The following SPPL3 variants were observed in gnomAD, a reference collection of about 807,000 sequenced individuals.
The protein encoded by SPPL3 is signal peptide peptidase like 3.
In SPPL3, 5 loss-of-function variants were observed where a neutral mutation model predicts 42.4. That is an observed-to-expected ratio of 0.12 (90% CI 0.06 to 0.25). The LOEUF is 0.25. SPPL3 is among the 10% of genes least tolerant of loss of function. SPPL3 has a pLI of 1.00. For missense variants in SPPL3, 235 were observed against 489.0 expected, an observed-to-expected ratio of 0.48 and a Z score of 4.90; for synonymous variants, 195 against 181.8, an observed-to-expected ratio of 1.07 and a Z score of -0.58.
chr12:120,817,874 C>T (rs964804739), intron 1 of SPPL3, among the ~76,000 whole-genome samples: 3 of 152,100 alleles, frequency 2.0e-5, no homozygotes, highest in Non-Finnish European at 2.9e-5. Context: ...AGAAAGCAAG[C>T]GTTCATCAGC....
chr12:120,840,868 C>T (rs1219958795), intron 1 of SPPL3, among the ~76,000 whole-genome samples: 1 of 151,814 alleles, frequency 6.6e-6, no homozygotes, highest in Non-Finnish European at 1.5e-5. Context: ...ATCGCTTGAA[C>T]CCAGGGGGTT....
chr12:120,849,754 A>C (rs560614134), intron 1 of SPPL3, among the ~76,000 whole-genome samples: 2 of 152,308 alleles, frequency 1.3e-5, no homozygotes, highest in South Asian at 4.1e-4. Flanking sequence ...CGAGACTCCT[A>C]AAAACCACTC....
chr12:120,879,084 G>C (rs1873199683), intron 1 of SPPL3, among the ~76,000 whole-genome samples: 1 of 122,822 alleles, frequency 8.1e-6, no homozygotes, highest in African/African-American at 3.0e-5. Flanking sequence ...TTGCACTCCA[G>C]CCTGGGCAAC....
chr12:120,777,301 T>C (rs1416685681), intron 6 of SPPL3, among the ~76,000 whole-genome samples: 3 of 152,330 alleles, frequency 2.0e-5, no homozygotes, highest in Non-Finnish European at 4.4e-5. Context: ...TGAGATTGAT[T>C]TGGACTAAAA....
At chr12:120,901,155 C>T (rs926802239) in intron 1 of SPPL3, among the ~76,000 whole-genome samples, 1 of 152,076 alleles carries the variant, frequency 6.6e-6, no homozygotes, top group Non-Finnish European at 1.5e-5. Flanking sequence ...ACTTGGCCTC[C>T]CAAGCCTGTT....
chr12:120,822,582 G>C (rs1018012081), intron 1 of SPPL3, among the ~76,000 whole-genome samples: 2 of 152,262 alleles, frequency 1.3e-5, no homozygotes, highest in East Asian at 3.9e-4. Flanking sequence ...AGGAGCCTAA[G>C]AGTTTAAATC....
intron 1 of SPPL3, among the ~76,000 whole-genome samples, chr12:120,857,619 A>G (rs1410052982): frequency 1.3e-5 from 2 of 152,250 alleles, no homozygotes; most frequent in Non-Finnish European, 2.9e-5. Context: ...TGTGGTACAT[A>G]TACACTACTA....
At chr12:120,826,612 G>T (rs11065282) in intron 1 of SPPL3, among the ~76,000 whole-genome samples, 59,967 of 151,966 alleles carry the variant, frequency 0.39, 13,947 homozygotes, top group Middle Eastern at 0.56. Context: ...CTGCAAAATC[G>T]CTCCATAAAG....
intron 1 of SPPL3, among the ~76,000 whole-genome samples, chr12:120,831,254 G>A (rs1413291465): frequency 6.6e-6 from 1 of 152,058 alleles, no homozygotes; most frequent in Non-Finnish European, 1.5e-5. Context: ...CTTGCAGATG[G>A]TGGTGCTTCA....
At chr12:120,798,533 A>C (rs902096571) in intron 2 of SPPL3, among the ~76,000 whole-genome samples, 8 of 152,246 alleles carry the variant, frequency 5.3e-5, no homozygotes, top group Non-Finnish European at 1.2e-4. Context: ...TTCGCACAGC[A>C]GAGCTAACAA....
intron 1 of SPPL3, among the ~76,000 whole-genome samples, chr12:120,818,055 C>T (rs1041990016): frequency 2.6e-5 from 4 of 152,138 alleles, no homozygotes; most frequent in Non-Finnish European, 5.9e-5. Context: ...CACAGTCTCT[C>T]CCTATCCTAC....
chr12:120,834,012 A>C (rs559576519), intron 1 of SPPL3, among the ~76,000 whole-genome samples: 63 of 152,318 alleles, frequency 4.1e-4, no homozygotes, highest in Non-Finnish European at 8.1e-4. Context: ...CATGTGCTCT[A>C]CTTTAATCCT....
At chr12:120,841,932 T>C (rs1265428728) in intron 1 of SPPL3, among the ~76,000 whole-genome samples, 2 of 152,226 alleles carry the variant, frequency 1.3e-5, no homozygotes, top group Non-Finnish European at 2.9e-5. Context: ...ATTATTGGCT[T>C]GTATATTTAA....
In SPPL3 at chr12:120,823,718, A is replaced by G. The variant is rs1871146130; in HGVS notation, c.24-12832T>C. On this transcript the variant is annotated intron_variant, in intron 1 of 10. Coordinates refer to ENST00000353487, the MANE Select transcript of SPPL3 (RefSeq NM_139015.5). ...TTCCCTTTTCCAAGTTGTAACAGCA[A>G]TCTTTTACTGAGTCATGTGCCCAGC... Among the ~76,000 whole-genome samples the G allele has an allele frequency of 2.0e-5, 3 of 152,270 alleles. No individual in the cohort carries two copies. The South Asian group carries it at 6.2e-4, about 32-fold the overall frequency.
At chr12:120,796,300 C>T (rs759921959) in intron 2 of SPPL3, among the ~76,000 whole-genome samples, 3 of 152,084 alleles carry the variant, frequency 2.0e-5, no homozygotes, top group African/African-American at 4.8e-5. Flanking sequence ...TGCTTGAACC[C>T]GGAAGGCAGA....
intron 1 of SPPL3, among the ~76,000 whole-genome samples, chr12:120,842,885 T>C (rs1350110668): frequency 6.6e-6 from 1 of 151,952 alleles, no homozygotes; most frequent in Non-Finnish European, 1.5e-5. Context: ...ACATGCATAG[T>C]TAATAGAAAA....
chr12:120,897,677 C>T (rs1002326682), intron 1 of SPPL3, among the ~76,000 whole-genome samples: 4 of 152,128 alleles, frequency 2.6e-5, no homozygotes, highest in Non-Finnish European at 5.9e-5. Flanking sequence ...GAGCCGAGAT[C>T]GCACCACTGC....
intron 3 of SPPL3, among the ~76,000 whole-genome samples, chr12:120,790,500 A>T (rs1399524506): frequency 6.6e-6 from 1 of 152,156 alleles, no homozygotes; most frequent in African/African-American, 2.4e-5. Context: ...TGGCGACCTT[A>T]CCCTGTTCTA....
chr12:120,767,980 T>C (rs1253026729), intron 8 of SPPL3, among the ~76,000 whole-genome samples: 1 of 152,246 alleles, frequency 6.6e-6, no homozygotes, highest in African/African-American at 2.4e-5. Flanking sequence ...CAAGATTATA[T>C]TACCAGGAGT....
Sources: gnomAD v4.1 joint callset for allele counts (sites outside exome capture counted in the v4.1 genomes callset) on GRCh38, gnomAD v4.1.1 for gene constraint, MANE v1.5 for transcripts, NCBI Gene and HGNC (gene_info 2026-07-23, HGNC 2026-07-21) for gene names.